Variants in STX18 observed in about 807,000 individuals in gnomAD.
STX18 encodes syntaxin-18.
In STX18, 40 loss-of-function variants were observed where a neutral mutation model predicts 50.1. The observed-to-expected ratio is 0.80, with a 90% CI of 0.62 to 1.04. The LOEUF is 1.04. STX18 is among the 50% of genes least tolerant of loss of function. The probability of loss-of-function intolerance (pLI) is 0.00; values close to 1 mark genes in which losing one functional copy is unlikely to be tolerated. For missense variants in STX18, 410 were observed against 415.8 expected, an observed-to-expected ratio of 0.99 and a Z score of 0.12; for synonymous variants, 158 against 151.8, an observed-to-expected ratio of 1.04 and a Z score of -0.30.
chr4:4,481,544 C>T (rs1038106377), intron 1 of STX18: 2 of 152,184 alleles, frequency 1.3e-5, no homozygotes, highest in Admixed American at 6.5e-5. Context: ...CCAGAAAAAC[C>T]ACTGCTGTAT....
At chr4:4,435,984 G>A (rs1369469598) in intron 6 of STX18, among the ~76,000 whole-genome samples, 2 of 152,174 alleles carry the variant, frequency 1.3e-5, no homozygotes, top group East Asian at 3.9e-4. Flanking sequence ...TTGTGTCTGT[G>A]TCTCAGGGCT....
At chr4:4,541,683 T>C (rs1731604866) in intron 1 of STX18, 114 bp downstream of exon 1, 4 of 1,254,274 alleles carry the variant, frequency 3.2e-6, no homozygotes, top group Non-Finnish European at 3.3e-6. Context: ...CTGTCCCCCT[T>C]AGAGCCACCC....
intron 6 of STX18, among the ~76,000 whole-genome samples, chr4:4,436,190 G>C (rs1187254481): frequency 6.6e-6 from 1 of 152,108 alleles, no homozygotes; most frequent in East Asian, 1.9e-4. Context: ...TGAAAGTTAT[G>C]GTTATTTATT....
intron 1 of STX18, among the ~76,000 whole-genome samples, chr4:4,526,614 G>A (rs1730772403): frequency 6.6e-6 from 1 of 152,150 alleles, no homozygotes; most frequent in Non-Finnish European, 1.5e-5. Flanking sequence ...TTGAGTCAAC[G>A]GGAAAGTATA....
At chr4:4,434,539 C>T (rs1725680070) in intron 7 of STX18, among the ~76,000 whole-genome samples, 1 of 152,168 alleles carries the variant, frequency 6.6e-6, no homozygotes, top group Admixed American at 6.5e-5. Flanking sequence ...TAGTAAAATT[C>T]TTCCAAGGCA....
Position 4,425,241 on chromosome 4 carries a change from A to ACTCAGGATGACAT in STX18, c.703-32_703-20dup, listed in dbSNP as rs1259495251. 12 of 1,609,508 alleles carry ACTCAGGATGACAT rather than the reference A, an allele frequency of 7.5e-6. No homozygotes were observed. The Admixed American group carries it at 1.5e-4, about 20-fold the overall frequency. On this transcript the variant is annotated intron_variant, in intron 7 of 10. Coordinates refer to ENST00000306200, the MANE Select transcript of STX18 (RefSeq NM_016930.4). Reference sequence around the variant, plus strand: ...GTTCAAACTGTGAGGAAACAGACACACTCAGGATGACATCATACTGAACTT... The same window carrying ACTCAGGATGACAT: ...GTTCAAACTGTGAGGAAACAGACACACTCAGGATGACATCTCAGGATGACATCATACTGAACTT...
chr4:4,475,461 T>TA (rs200708655), intron 1 of STX18, among the ~76,000 whole-genome samples: 68 of 122,016 alleles, frequency 5.6e-4, no homozygotes, highest in African/African-American at 7.8e-4. Flanking sequence ...TTAATTTCTT[T>TA]AAAAAAAAAC....
chr4:4,439,379 A>G (rs1577323348), intron 5 of STX18, among the ~76,000 whole-genome samples: 2 of 111,728 alleles, frequency 1.8e-5, no homozygotes, highest in South Asian at 7.2e-4. Context: ...TCACATATAT[A>G]CCCCCTACAT....
At chr4:4,427,534 G>C (rs1011274989) in intron 7 of STX18, among the ~76,000 whole-genome samples, 1 of 152,234 alleles carries the variant, frequency 6.6e-6, no homozygotes, top group Non-Finnish European at 1.5e-5. Context: ...CTTTCCCTGG[G>C]TGGCGGCATT....
At chr4:4,503,610 T>G (rs1729561521) in intron 1 of STX18, among the ~76,000 whole-genome samples, 1 of 152,126 alleles carries the variant, frequency 6.6e-6, no homozygotes, top group Non-Finnish European at 1.5e-5. Flanking sequence ...AAATCACCAC[T>G]AAAGAACTTA....
intron 5 of STX18, among the ~76,000 whole-genome samples, chr4:4,447,641 TCTGA>T (rs1447724390): frequency 5.6e-5 from 7 of 126,068 alleles, no homozygotes; most frequent in South Asian, 2.9e-4. Context: ...AAAATGGGGC[TCTGA>T]CTATCTTTCT....
At chr4:4,501,721 C>G (rs1729470594) in intron 1 of STX18, among the ~76,000 whole-genome samples, 2 of 152,182 alleles carry the variant, frequency 1.3e-5, no homozygotes, top group African/African-American at 4.8e-5. Flanking sequence ...GGAAGCAGAT[C>G]ATGAACAATA....
At chr4:4,456,502 C>T (rs961526878) in intron 5 of STX18, among the ~76,000 whole-genome samples, 6 of 152,158 alleles carry the variant, frequency 3.9e-5, no homozygotes, top group Non-Finnish European at 5.9e-5. Context: ...ACCAGGCAGG[C>T]GCCATGGAAA....
chr4:4,485,280 G>C (rs1577364966), intron 1 of STX18, among the ~76,000 whole-genome samples: 1 of 152,344 alleles, frequency 6.6e-6, no homozygotes, highest in Admixed American at 6.5e-5. Flanking sequence ...CTGGCACACA[G>C]TAGGTGCTCA....
At chr4:4,439,399 C>A (rs1712897547) in intron 5 of STX18, among the ~76,000 whole-genome samples, 1 of 115,596 alleles carries the variant, frequency 8.7e-6, no homozygotes, top group Non-Finnish European at 1.6e-5. Flanking sequence ...TACACACACA[C>A]ACCATATATG....
At chr4:4,474,721 G>A (rs1020684565) in intron 1 of STX18, among the ~76,000 whole-genome samples, 5 of 152,184 alleles carry the variant, frequency 3.3e-5, no homozygotes, top group African/African-American at 9.7e-5. Context: ...TTTGAAGATG[G>A]GGAAAGGAAG....
intron 9 of STX18, among the ~76,000 whole-genome samples, chr4:4,423,222 C>G (rs1265543883): frequency 6.6e-6 from 1 of 152,246 alleles, no homozygotes; most frequent in Non-Finnish European, 1.5e-5. Flanking sequence ...CCCAGCACAT[C>G]CAGAACCCTG....
intron 1 of STX18, among the ~76,000 whole-genome samples, chr4:4,532,860 A>G (rs901081806): frequency 1.3e-5 from 2 of 152,252 alleles, no homozygotes; most frequent in Admixed American, 1.3e-4. Flanking sequence ...AGAAAAGGCA[A>G]GTGTTCATTT....
chr4:4,515,676 G>A (rs534576020), intron 1 of STX18, among the ~76,000 whole-genome samples: 4 of 152,008 alleles, frequency 2.6e-5, no homozygotes, highest in Non-Finnish European at 5.9e-5. Context: ...ATGTATTTTT[G>A]GAGACATTAA....
Sources: allele counts gnomAD v4.1 joint callset (sites outside exome capture counted in the v4.1 genomes callset), GRCh38; gene constraint gnomAD v4.1.1; transcripts MANE v1.5; gene names NCBI Gene and HGNC (gene_info 2026-07-23, HGNC 2026-07-21).